SLC25A24: variants seen among roughly 807,000 people sequenced by gnomAD.
SLC25A24 encodes mitochondrial adenyl nucleotide antiporter SLC25A24.
SLC25A24 carries 49 observed loss-of-function variants against 60.7 expected under a neutral mutation model. That is an observed-to-expected ratio of 0.81 (90% CI 0.64 to 1.02). The LOEUF is 1.02. SLC25A24 is among the 50% of genes least tolerant of loss of function. The pLI, the probability that SLC25A24 is intolerant of heterozygous loss-of-function variation, is 0.00. For missense variants in SLC25A24, 564 were observed against 586.3 expected (o/e 0.96, Z 0.39); for synonymous variants, 202 against 200.6 (o/e 1.01, Z -0.06).
intron 3 of SLC25A24, among the ~76,000 whole-genome samples, chr1:108,169,544 T>C (rs1003129291): frequency 6.6e-6 from 1 of 152,236 alleles, no homozygotes; most frequent in Non-Finnish European, 1.5e-5. Flanking sequence ...ATATAAGTCA[T>C]AGGTATCTTG....
chr1:108,148,773 G>C (rs1286962518), intron 6 of SLC25A24, among the ~76,000 whole-genome samples: 1 of 152,146 alleles, frequency 6.6e-6, no homozygotes, highest in African/African-American at 2.4e-5. Flanking sequence ...CACACACTGT[G>C]GTATTTTATG....
chr1:108,200,223 G>T lies in SLC25A24; in HGVS notation c.-85C>A. The T allele has an allele frequency of 3.1e-6, 4 of 1,294,426 alleles. No individual in the cohort carries two copies. The highest frequency in any genetic ancestry group is 3.1e-5 in the African/African-American group (2 of 63,616). The allele number at this position is 1,294,426 out of a possible 1,614,324, so 80.2% of individuals were successfully genotyped here. ...CGAGACCGGGACCAGCGCGAGGCCGGGCTGGGCGGGGCGCGCGGCGCAACA... is the reference window on the plus strand; with the variant it reads ...CGAGACCGGGACCAGCGCGAGGCCGTGCTGGGCGGGGCGCGCGGCGCAACA... On this transcript the variant is annotated 5_prime_UTR_variant, in exon 1 of 10. Transcript: ENST00000565488.
In SLC25A24 at chr1:108,139,047, C is replaced by A. The variant is rs1279007440; in HGVS notation, c.1249+11G>T. On this transcript the variant is annotated intron_variant, in intron 9 of 9. Coordinates refer to ENST00000565488, the MANE Select transcript of SLC25A24 (RefSeq NM_013386.5). ...ACTTTTATCGGTGTGGTTCTGTAAT[C>A]AAAAATTCACCTTGAGCCTGCATGC... 6.4e-7 allele frequency: 1 copy of A among 1,561,382 alleles called. No homozygotes were observed. The highest frequency in any genetic ancestry group is 8.7e-7 in the Non-Finnish European group (1 of 1,155,110).
chr1:108,148,358 T>C lies in SLC25A24; in HGVS notation c.851A>G (p.Gln284Arg), dbSNP rs773081545. Residue 284 changes from glutamine (Q) to arginine (R), a missense_variant, in exon 7 of 10, where the codon CAA (glutamine) becomes CGA (arginine). Gln to Arg is a conservative substitution (Grantham distance 43). Coordinates refer to ENST00000565488, the MANE Select transcript of SLC25A24 (RefSeq NM_013386.5). ...AAATCTCTCAAATGTTCCTATTTTTTGTCCTTCTTCAGTAAGTAACTTCTT... is the reference window on the plus strand; with the variant it reads ...AAATCTCTCAAATGTTCCTATTTTTCGTCCTTCTTCAGTAAGTAACTTCTT... The part of the protein sequence containing the change: ...QYKKLLTEEG[Q>R]KIGTFERFIS... 3.6e-5 allele frequency: 58 copies of C among 1,612,370 alleles called. No individual in the cohort carries two copies. The highest frequency in any genetic ancestry group is 4.8e-5 in the Non-Finnish European group (56 of 1,178,564).
chr1:108,146,205 GCT>G (rs953289737), intron 7 of SLC25A24, among the ~76,000 whole-genome samples: 1 of 152,008 alleles, frequency 6.6e-6, no homozygotes, highest in East Asian at 1.9e-4. Flanking sequence ...TCGTGATTTG[GCT>G]CTCTGTTTGT....
At chr1:108,153,832 C>A (rs1235545060) in intron 6 of SLC25A24, among the ~76,000 whole-genome samples, 2 of 152,024 alleles carry the variant, frequency 1.3e-5, no homozygotes, top group Non-Finnish European at 2.9e-5. Flanking sequence ...CTTGCAATAC[C>A]CATGGACTTT....
intron 7 of SLC25A24, among the ~76,000 whole-genome samples, chr1:108,145,339 A>G (rs1679555833): frequency 6.6e-6 from 1 of 151,960 alleles, no homozygotes; most frequent in South Asian, 2.1e-4. Flanking sequence ...TAGATTGCAA[A>G]ATTTTTCTCC....
chr1:108,199,861 G>A (rs1648604670), intron 1 of SLC25A24, 95 bp downstream of exon 1: 1 of 959,386 alleles, frequency 1.0e-6, no homozygotes, highest in Non-Finnish European at 1.5e-6. Context: ...TCCTCTCCTG[G>A]CAACGCCTCA....
chr1:108,155,950 AACACACACACAC>A (rs58815373), intron 5 of SLC25A24, among the ~76,000 whole-genome samples: 2 of 149,242 alleles, frequency 1.3e-5, no homozygotes, highest in South Asian at 2.1e-4. Flanking sequence ...ACTACCACTA[AACACACACACAC>A]ACACACACAC....
At position 108,183,999 on chromosome 1, in the gene SLC25A24, T is replaced by G. The variant is rs548888246; in HGVS notation, c.310+1829A>C. On this transcript the variant is annotated intron_variant, in intron 2 of 9. Coordinates refer to ENST00000565488, the MANE Select transcript of SLC25A24 (RefSeq NM_013386.5). Reference sequence around the variant, plus strand: ...TTGCAAATACAGAATCCCCAAATAATGAGGATCAACTGTATATGTTTTGCA... The same window carrying G: ...TTGCAAATACAGAATCCCCAAATAAGGAGGATCAACTGTATATGTTTTGCA... Among the ~76,000 whole-genome samples the G allele has an allele frequency of 2.0e-5, 3 of 152,282 alleles. No homozygotes were observed. The East Asian group carries it at 5.8e-4, about 29-fold the overall frequency.
intron 4 of SLC25A24, among the ~76,000 whole-genome samples, chr1:108,160,832 C>T (rs1228591804): frequency 1.3e-5 from 2 of 152,168 alleles, no homozygotes; most frequent in African/African-American, 2.4e-5. Context: ...CGCCTGCAAT[C>T]GCAGGCACTC....
chr1:108,136,866 A>C, intron 9 of SLC25A24, 29 bp from the exon 10 acceptor site: 1 of 1,572,644 alleles, frequency 6.4e-7, no homozygotes, highest in Non-Finnish European at 8.7e-7. Context: ...GGGTAATTTA[A>C]TATTCAAGTA....
At position 108,144,047 on chromosome 1, in the gene SLC25A24, A is replaced by G. The variant is rs552805289; in HGVS notation, c.931-337T>C. Among the ~76,000 whole-genome samples the G allele has an allele frequency of 9.8e-5, 15 of 152,330 alleles. 1 individual carries two copies. In the South Asian group the frequency reaches 3.1e-3, roughly 32 times the overall value. ...TATAAAGGATAACCCCAATACTTCT[A>G]GCTTGGAACACAGGATGGGGCAGTG... is the stretch of plus-strand genomic sequence containing the variant. On this transcript the variant is annotated intron_variant, in intron 7 of 9. Transcript: ENST00000565488.
intron 7 of SLC25A24, among the ~76,000 whole-genome samples, chr1:108,145,994 G>A (rs1679578628): frequency 6.6e-6 from 1 of 152,194 alleles, no homozygotes; most frequent in Non-Finnish European, 1.5e-5. Context: ...ACTTTGGGCA[G>A]TATGGCCACT....
chr1:108,148,604 C>T (rs1040684575), intron 6 of SLC25A24, among the ~76,000 whole-genome samples: 14 of 152,108 alleles, frequency 9.2e-5, no homozygotes, highest in Admixed American at 3.3e-4. Context: ...TCTCTCTCTC[C>T]CCCTTCACAT....
rs557581530 is a variant in SLC25A24, at chr1:108,161,319, G to C, written c.399-26C>G. 9 of 1,153,362 alleles carry C rather than the reference G, an allele frequency of 7.8e-6. No individual in the cohort carries two copies. In the South Asian group the frequency reaches 9.2e-5, roughly 12 times the overall value. 71.4% of individuals were successfully genotyped at this position (1,153,362 alleles called of 1,614,324 possible). On this transcript the variant is annotated intron_variant, in intron 3 of 9. Transcript: ENST00000565488. Reference sequence around the variant, plus strand: ...CTGAAATTTTAAAAAAATGATCAAAGTACAAAACTAAATTGATAAATAAAA... The same window carrying C: ...CTGAAATTTTAAAAAAATGATCAAACTACAAAACTAAATTGATAAATAAAA...
At chr1:108,176,950 G>A (rs662590) in intron 3 of SLC25A24, among the ~76,000 whole-genome samples, 30,018 of 152,042 alleles carry the variant, frequency 0.2, 3,090 homozygotes, top group Admixed American at 0.22. Context: ...GCTGATAAAA[G>A]AAAGTACACA....
chr1:108,145,576 T>A (rs1221788433), intron 7 of SLC25A24, among the ~76,000 whole-genome samples: 1 of 122,630 alleles, frequency 8.2e-6, no homozygotes, highest in Non-Finnish European at 1.9e-5. Flanking sequence ...TATCTTGAGT[T>A]AATTTTTTTT....
Position 108,135,378 on chromosome 1 carries a change from G to A in SLC25A24, c.*1275C>T, listed in dbSNP as rs1186429005. On this transcript the variant is annotated 3_prime_UTR_variant, in exon 10 of 10. Coordinates refer to ENST00000565488, the MANE Select transcript of SLC25A24 (RefSeq NM_013386.5). ...ATTTATAACAGAAATTATTAGAAGT[G>A]AAATGAGTTTAAGAACTAAATTAAA... The A allele has an allele frequency of 3.3e-5, 5 of 152,486 alleles. No homozygotes were observed. The highest frequency in any genetic ancestry group is 1.2e-4 in the African/African-American group (5 of 41,424). 9.4% of individuals were successfully genotyped at this position (152,486 alleles called of 1,614,324 possible).
Sources: gnomAD v4.1 joint callset for allele counts (sites outside exome capture counted in the v4.1 genomes callset) on GRCh38, gnomAD v4.1.1 for gene constraint, MANE v1.5 for transcripts, NCBI Gene and HGNC (gene_info 2026-07-23, HGNC 2026-07-21) for gene names.